Variants in CERS6 observed in about 807,000 individuals in gnomAD.
CERS6 encodes ceramide synthase 6, also known as LAG1 homolog, ceramide synthase 6.
CERS6 carries 26 observed loss-of-function variants against 56.8 expected under a neutral mutation model. That is an observed-to-expected ratio of 0.46 (90% CI 0.34 to 0.63). CERS6 has a LOEUF of 0.63. Among genes scored for constraint, CERS6 ranks in the 30% least tolerant of loss-of-function variants. The probability of loss-of-function intolerance (pLI) is 0.01; values close to 1 mark genes in which losing one functional copy is unlikely to be tolerated. For missense variants in CERS6, 415 were observed against 467.5 expected (o/e 0.89, Z 1.04); for synonymous variants, 164 against 173.3 (o/e 0.95, Z 0.42).
chr2:168,556,781 C>G (rs1357328478), intron 2 of CERS6, among the ~76,000 whole-genome samples: 1 of 151,820 alleles, frequency 6.6e-6, no homozygotes, highest in Non-Finnish European at 1.5e-5. Context: ...TGAAAAACTA[C>G]CACAGATATA....
At chr2:168,541,257 G>T (rs902347664) in intron 1 of CERS6, among the ~76,000 whole-genome samples, 8 of 152,184 alleles carry the variant, frequency 5.3e-5, no homozygotes, top group African/African-American at 1.9e-4. Context: ...TCACATTGGG[G>T]ATCAAGTTTC....
chr2:168,664,637 T>C (rs113064355), intron 4 of CERS6, among the ~76,000 whole-genome samples: 2,767 of 152,266 alleles, frequency 0.018, 80 homozygotes, highest in African/African-American at 0.063. Flanking sequence ...TAGGGTAACT[T>C]CCTGATGTTG....
In CERS6 at chr2:168,614,973, C is replaced by T. The variant is rs1019263666; in HGVS notation, c.408-16012C>T. 3.9e-5 allele frequency among the ~76,000 whole-genome samples: 6 copies of T among 151,968 alleles called. 1 individual carries two copies. Among genetic ancestry groups the T allele is most frequent in the Admixed American group, 1.3e-4 (2 of 15,222 alleles). ...AAGGAACCTCACAGAGTCCATTTCA[C>T]CCCCCCTGCCACCTCCTCTGGAGCT... On this transcript the variant is annotated intron_variant, in intron 3 of 9. Coordinates refer to ENST00000305747, the MANE Select transcript of CERS6 (RefSeq NM_203463.3).
chr2:168,676,501 C>T (rs1686063939), intron 4 of CERS6, among the ~76,000 whole-genome samples: 1 of 152,160 alleles, frequency 6.6e-6, no homozygotes, highest in African/African-American at 2.4e-5. Context: ...TCATAGTGGA[C>T]TATACATGTT....
chr2:168,544,322 T>C (rs1476088259), intron 1 of CERS6, among the ~76,000 whole-genome samples: 1 of 152,216 alleles, frequency 6.6e-6, no homozygotes, highest in Non-Finnish European at 1.5e-5. Flanking sequence ...ATATACTGTC[T>C]TCTGCTTCCA....
chr2:168,644,608 A>T (rs1685128254), intron 4 of CERS6, among the ~76,000 whole-genome samples: 1 of 152,136 alleles, frequency 6.6e-6, no homozygotes. Context: ...ATTGGTCCAC[A>T]TGCAGGTGAA....
rs933507680 is a variant in CERS6 at position 168,771,265 on chromosome 2, G to A, written c.*1603G>A. On this transcript the variant is annotated 3_prime_UTR_variant, in exon 10 of 10. Coordinates refer to ENST00000305747, the MANE Select transcript of CERS6 (RefSeq NM_203463.3). ...TTCTTGGAAAAAATTAAAGCTTTTT[G>A]CCCACAATTTGCAATCTGTGGGTTA... 4 of 152,068 alleles carry A rather than the reference G, an allele frequency of 2.6e-5. No individual in the cohort carries two copies. The highest frequency in any genetic ancestry group is 9.7e-5 in the African/African-American group (4 of 41,420). 9.4% of individuals were successfully genotyped at this position (152,068 alleles called of 1,614,324 possible).
At chr2:168,501,981 A>G (rs1694588626) in intron 1 of CERS6, among the ~76,000 whole-genome samples, 1 of 152,186 alleles carries the variant, frequency 6.6e-6, no homozygotes. Context: ...CCACTATGGG[A>G]TGATGGTAGC....
chr2:168,605,003 G>A (rs1445707332), intron 3 of CERS6, among the ~76,000 whole-genome samples: 1 of 152,172 alleles, frequency 6.6e-6, no homozygotes, highest in African/African-American at 2.4e-5. Flanking sequence ...CTCAGAAGAA[G>A]CCCTCCAGAC....
chr2:168,513,801 G>A (rs945462973), intron 1 of CERS6, among the ~76,000 whole-genome samples: 3 of 152,090 alleles, frequency 2.0e-5, no homozygotes, highest in African/African-American at 4.8e-5. Context: ...TACTCTCTCT[G>A]TTTTCCCTTT....
At position 168,769,753 on chromosome 2, in the gene CERS6, C is replaced by G; in HGVS notation, c.*91C>G. On this transcript the variant is annotated 3_prime_UTR_variant, in exon 10 of 10. Coordinates refer to ENST00000305747, the MANE Select transcript of CERS6 (RefSeq NM_203463.3). ...AAATGCAGTTCCTTTCATAATATCT[C>G]AGCACCAGAAACAAAAATTAAGATT... 1 of 1,349,314 alleles carries G rather than the reference C, an allele frequency of 7.4e-7. No individual in the cohort carries two copies. Among genetic ancestry groups the G allele is most frequent in the South Asian group, 1.3e-5 (1 of 79,204 alleles). The allele number at this position is 1,349,314 out of a possible 1,614,324, so 83.6% of individuals were successfully genotyped here.
At position 168,614,054 on chromosome 2, in the gene CERS6, T is replaced by C. The variant is rs188198924; in HGVS notation, c.408-16931T>C. ...GCAGGAGTGCAAGTTCACTGGCATT[T>C]ATTGGAAAAATGTAAGCATTGACAG... On this transcript the variant is annotated intron_variant, in intron 3 of 9. Coordinates refer to ENST00000305747, the MANE Select transcript of CERS6 (RefSeq NM_203463.3). 2.6e-4 allele frequency among the ~76,000 whole-genome samples: 39 copies of C among 152,372 alleles called. No individual in the cohort carries two copies. The East Asian group carries it at 5.2e-3, about 20-fold the overall frequency.
rs970720344 is a variant in CERS6, at chr2:168,646,474, C to T, written c.465+15432C>T. Among the ~76,000 whole-genome samples the T allele has an allele frequency of 4.6e-5, 7 of 152,250 alleles. No homozygotes were observed. In the South Asian group the frequency reaches 6.2e-4, roughly 14 times the overall value. ...GATGCATAGTTTGCAAATATTTTCT[C>T]CCATTCTATAGGTTGTTTGTTTACT... is the stretch of plus-strand genomic sequence containing the variant. On this transcript the variant is annotated intron_variant, in intron 4 of 9. Transcript: ENST00000305747.
chr2:168,559,202 TA>T (rs34282143), intron 2 of CERS6, among the ~76,000 whole-genome samples: 1 of 146,206 alleles, frequency 6.8e-6, no homozygotes, highest in Non-Finnish European at 1.5e-5. Context: ...TTACTACTAC[TA>T]AAAAAAAAAC....
intron 9 of CERS6, among the ~76,000 whole-genome samples, chr2:168,768,524 C>T (rs1384727810): frequency 6.6e-6 from 1 of 151,300 alleles, no homozygotes; most frequent in East Asian, 2.0e-4. Flanking sequence ...TGAGCCACCT[C>T]GCCTGGCTGG....
At chr2:168,516,673 T>A (rs1382762164) in intron 1 of CERS6, among the ~76,000 whole-genome samples, 1 of 152,224 alleles carries the variant, frequency 6.6e-6, no homozygotes, top group African/African-American at 2.4e-5. Flanking sequence ...ACGGTAAATA[T>A]TCCCATATTA....
chr2:168,750,252 T>C (rs538655350), intron 8 of CERS6, among the ~76,000 whole-genome samples: 11 of 152,360 alleles, frequency 7.2e-5, no homozygotes, highest in Admixed American at 7.2e-4. Context: ...TGTTAATGCT[T>C]GGCTGTATGT....
intron 1 of CERS6, among the ~76,000 whole-genome samples, chr2:168,457,485 T>C (rs1469731162): frequency 6.6e-6 from 1 of 152,204 alleles, no homozygotes; most frequent in Non-Finnish European, 1.5e-5. Context: ...GAAACTAGAT[T>C]GTGCCTGCCA....
At position 168,456,363 on chromosome 2, in the gene CERS6, C is replaced by A. The variant is rs1693650421; in HGVS notation, c.-86C>A. The A allele has an allele frequency of 9.0e-7, 1 of 1,108,842 alleles. No homozygotes were observed. The highest frequency in any genetic ancestry group is 2.9e-4 in the Middle Eastern group (1 of 3,408). The allele number at this position is 1,108,842 out of a possible 1,614,324, so 68.7% of individuals were successfully genotyped here. ...GGCGGCGGCGGCACAGGCTCGGGGC[C>A]AGCCGGGCGCGCATCCCCGGGCGCC... On this transcript the variant is annotated 5_prime_UTR_variant, in exon 1 of 10. Transcript: ENST00000305747. This position sits in a 1 kb window ranked among gnomAD's most constrained non-coding sequence, Gnocchi z 4.1.
Sources: gnomAD v4.1 joint callset for allele counts (sites outside exome capture counted in the v4.1 genomes callset) on GRCh38, gnomAD v4.1.1 for gene constraint, Gnocchi (gnomAD v3.1) non-coding constraint, MANE v1.5 for transcripts, NCBI Gene and HGNC (gene_info 2026-07-23, HGNC 2026-07-21) for gene names.